RABGAP1L: variants seen among roughly 807,000 people sequenced by gnomAD.
RABGAP1L encodes rab GTPase-activating protein 1-like.
RABGAP1L carries 63 observed loss-of-function variants against 137.7 expected under a neutral mutation model. The observed-to-expected ratio is 0.46, with a 90% CI of 0.37 to 0.56. The LOEUF (loss-of-function observed/expected upper bound fraction) is 0.56. Among genes scored for constraint, RABGAP1L ranks in the 20% least tolerant of loss-of-function variants. The pLI, the probability that RABGAP1L is intolerant of heterozygous loss-of-function variation, is 0.00. For missense variants in RABGAP1L, 1,095 were observed against 1,244.0 expected (o/e 0.88, Z 1.80); for synonymous variants, 431 against 433.7 (o/e 0.99, Z 0.08).
chr1:174,796,344 G>T (rs77298890), intron 18 of RABGAP1L, among the ~76,000 whole-genome samples: 1 of 152,090 alleles, frequency 6.6e-6, no homozygotes, highest in Admixed American at 6.5e-5. Flanking sequence ...TTACTGAATC[G>T]CAACAACAAT....
intron 19 of RABGAP1L, among the ~76,000 whole-genome samples, chr1:174,955,515 G>A (rs750900539): frequency 1.2e-4 from 19 of 152,168 alleles, no homozygotes; most frequent in Non-Finnish European, 2.6e-4. Flanking sequence ...TGAAAATAAG[G>A]AAATTGTGAG....
chr1:174,856,167 C>T (rs542503936), intron 19 of RABGAP1L, among the ~76,000 whole-genome samples: 28 of 151,666 alleles, frequency 1.8e-4, no homozygotes, highest in Admixed American at 1.5e-3. Context: ...GAGGCCAAGG[C>T]GAGTGGATCA....
At chr1:174,906,410 A>G (rs371890210) in intron 19 of RABGAP1L, among the ~76,000 whole-genome samples, 1 of 152,024 alleles carries the variant, frequency 6.6e-6, no homozygotes. Flanking sequence ...GGCGGATCAC[A>G]TGAGGTCAGG....
At chr1:174,667,265 C>T (rs1450640760) in intron 14 of RABGAP1L, among the ~76,000 whole-genome samples, 1 of 152,022 alleles carries the variant, frequency 6.6e-6, no homozygotes, top group Non-Finnish European at 1.5e-5. Flanking sequence ...CTATTGAAAC[C>T]CAAGGCAAAT....
chr1:174,307,733 G>T (rs986576878), intron 11 of RABGAP1L, among the ~76,000 whole-genome samples: 23 of 152,000 alleles, frequency 1.5e-4, no homozygotes, highest in Non-Finnish European at 4.4e-5. Flanking sequence ...GTGGACACTG[G>T]TTGGTTCCAT....
chr1:174,961,914 T>C lies in RABGAP1L; in HGVS notation c.2433+4365T>C, dbSNP rs187937880. Among the ~76,000 whole-genome samples the C allele has an allele frequency of 2.7e-4, 40 of 149,828 alleles. 1 individual carries two copies. In the East Asian group the frequency reaches 5.5e-3, roughly 21 times the overall value. On this transcript the variant is annotated intron_variant, in intron 20 of 25. Coordinates refer to ENST00000681986, the MANE Select transcript of RABGAP1L (RefSeq NM_001366446.1). Reference sequence around the variant, plus strand: ...GCTCACGCCTGTAATCCCAGCACTTTGGGAGGCAGAGGTGGGCAGATCACA... The same window carrying C: ...GCTCACGCCTGTAATCCCAGCACTTCGGGAGGCAGAGGTGGGCAGATCACA...
intron 13 of RABGAP1L, among the ~76,000 whole-genome samples, chr1:174,564,543 G>T (rs1358405623): frequency 6.6e-6 from 1 of 152,126 alleles, no homozygotes; most frequent in Non-Finnish European, 1.5e-5. Flanking sequence ...AAAGTAGGCT[G>T]CCAGGGTTAA....
Position 174,278,679 on chromosome 1 carries a change from T to G in RABGAP1L, c.1223T>G (p.Phe408Cys), listed in dbSNP as rs1173387577. ...ACAGAGGTGGTGGAGCCTGTTCGCT[T>G]TCTCCTGGAGACAGTAGTCCGTGTG... ...VVTEVVEPVR[F>C]LLETVVRVYP... The change falls in exon 10 of 26, where the codon TTT becomes TGT. Residue 408 changes from phenylalanine to cysteine, a missense_variant. Transcript: ENST00000681986. 1.9e-6 allele frequency: 3 copies of G among 1,613,372 alleles called. No individual in the cohort carries two copies. The Admixed American group carries it at 5.0e-5, about 27-fold the overall frequency.
intron 19 of RABGAP1L, among the ~76,000 whole-genome samples, chr1:174,885,542 G>A (rs1654934414): frequency 1.3e-5 from 2 of 152,106 alleles, no homozygotes; most frequent in African/African-American, 4.8e-5. Flanking sequence ...TTTTTGTAGA[G>A]ATGGGGTTTC....
chr1:174,317,845 A>G (rs1679534023), intron 11 of RABGAP1L, among the ~76,000 whole-genome samples: 1 of 152,134 alleles, frequency 6.6e-6, no homozygotes, highest in South Asian at 2.1e-4. Context: ...CCCTTTGGCC[A>G]GGGCTGGTTT....
intron 13 of RABGAP1L, among the ~76,000 whole-genome samples, chr1:174,564,786 T>C (rs536856827): frequency 2.6e-5 from 4 of 152,256 alleles, no homozygotes; most frequent in South Asian, 2.1e-4. Context: ...AAAAAACTTA[T>C]TTAATATTTT....
chr1:174,173,130 GA>G (rs1665546939), intron 1 of RABGAP1L, among the ~76,000 whole-genome samples: 2 of 150,126 alleles, frequency 1.3e-5, no homozygotes, highest in South Asian at 2.1e-4. Context: ...AAGTTAAAAA[GA>G]TTTTTTTTTT....
intron 1 of RABGAP1L, among the ~76,000 whole-genome samples, chr1:174,172,216 G>A (rs11808105): frequency 0.26 from 33,412 of 127,916 alleles, 4,433 homozygotes; most frequent in Admixed American, 0.31. Flanking sequence ...GTGTGTGTGT[G>A]TATATATGCC....
chr1:174,422,722 C>T (rs1419980921), intron 13 of RABGAP1L, among the ~76,000 whole-genome samples: 3 of 151,822 alleles, frequency 2.0e-5, no homozygotes, highest in East Asian at 1.9e-4. Flanking sequence ...CCAAGGCAGG[C>T]GGATCACCTG....
intron 13 of RABGAP1L, among the ~76,000 whole-genome samples, chr1:174,619,084 T>C (rs1438560745): frequency 6.6e-6 from 1 of 151,966 alleles, no homozygotes; most frequent in African/African-American, 2.4e-5. Flanking sequence ...AAGAGAAGTT[T>C]AGAGAAAAAA....
At chr1:174,545,628 C>G (rs530848472) in intron 13 of RABGAP1L, 1 of 153,240 alleles carries the variant, frequency 6.5e-6, no homozygotes, top group South Asian at 2.1e-4. Context: ...AACCCGGTAC[C>G]TCTGTTGGAA....
chr1:174,252,838 CT>C (rs1286948824), intron 7 of RABGAP1L, among the ~76,000 whole-genome samples: 1 of 152,160 alleles, frequency 6.6e-6, no homozygotes, highest in South Asian at 2.1e-4. Context: ...TTGTTCACAT[CT>C]TTTTTTCTTG....
At chr1:174,463,083 C>G (rs1656878433) in intron 13 of RABGAP1L, among the ~76,000 whole-genome samples, 1 of 152,044 alleles carries the variant, frequency 6.6e-6, no homozygotes. Context: ...ACTAGTTCAA[C>G]CATTGTGGAA....
chr1:174,825,869 C>T (rs116277433), intron 19 of RABGAP1L, among the ~76,000 whole-genome samples: 16,466 of 152,090 alleles, frequency 0.11, 977 homozygotes, highest in East Asian at 0.22. Context: ...CCAGCCTGGG[C>T]GACAGAGCAA....
Sources: gnomAD v4.1 joint callset for allele counts (sites outside exome capture counted in the v4.1 genomes callset) on GRCh38, gnomAD v4.1.1 for gene constraint, MANE v1.5 for transcripts, NCBI Gene and HGNC (gene_info 2026-07-23, HGNC 2026-07-21) for gene names.